The following FNDC3B variants were observed in gnomAD, a reference collection of about 807,000 sequenced individuals.
The protein encoded by FNDC3B is fibronectin type III domain containing 3B, also known as fibronectin type III domain-containing protein 3B.
FNDC3B carries 12 observed loss-of-function variants against 151.5 expected under a neutral mutation model. The ratio of observed to expected loss-of-function variants is 0.08; its 90% CI spans 0.05 to 0.13. The LOEUF (loss-of-function observed/expected upper bound fraction) is 0.13. FNDC3B is among the 10% of genes least tolerant of loss of function. FNDC3B has a pLI of 1.00. For synonymous variants in FNDC3B, 528 were observed against 549.0 expected (o/e 0.96, Z 0.54); for missense variants, 1,214 against 1,505.3 (o/e 0.81, Z 3.20).
At chr3:172,138,270 T>C (rs560921750) in intron 3 of FNDC3B, among the ~76,000 whole-genome samples, 3 of 152,360 alleles carry the variant, frequency 2.0e-5, no homozygotes, top group South Asian at 2.1e-4. Flanking sequence ...GTGAATTCAG[T>C]TGTGACAGGA....
intron 3 of FNDC3B, among the ~76,000 whole-genome samples, chr3:172,150,378 G>T (rs1722157808): frequency 6.6e-6 from 1 of 152,036 alleles, no homozygotes; most frequent in African/African-American, 2.4e-5. Flanking sequence ...ACAGAGAAGT[G>T]GTACCTTTTC....
rs182567084 is a variant in FNDC3B at position 172,124,067 on chromosome 3, T to A, written c.112-9404T>A. ...TCGGGATGAGAGTGCTCCTACTTTT[T>A]ATTGACTACTTCTGCACACTTGGAA... On this transcript the variant is annotated intron_variant, in intron 2 of 25. Transcript: ENST00000415807. Among the ~76,000 whole-genome samples, 406 of 152,294 alleles carry A rather than the reference T, an allele frequency of 2.7e-3. 1 individual carries two copies. The highest frequency in any genetic ancestry group is 0.023 in the South Asian group (111 of 4,828).
rs1715956056 is a variant in FNDC3B, at chr3:172,040,301, A to G, written c.-29+530A>G. On this transcript the variant is annotated intron_variant, in intron 1 of 25. Transcript: ENST00000415807. This position sits in a 1 kb window ranked among gnomAD's most constrained non-coding sequence, Gnocchi z 6.6. The stretch of plus-strand genomic sequence containing the variant: ...GGCGGGAGTGCGAAGTGGGGCTGGA[A>G]GTTGGGGCCGCCTCTCCGCGCCGGC... 6.6e-6 allele frequency among the ~76,000 whole-genome samples: 1 copy of G among 151,434 alleles called. No homozygotes were observed. The highest frequency in any genetic ancestry group is 6.6e-5 in the Admixed American group (1 of 15,242).
intron 9 of FNDC3B, chr3:172,302,596 AGTG>A (rs1279000165): frequency 6.6e-6 from 1 of 152,126 alleles, no homozygotes; most frequent in Non-Finnish European, 1.5e-5. Flanking sequence ...CTAATCTCCT[AGTG>A]GTGATTGAGG....
chr3:172,174,198 T>C (rs555620940), intron 3 of FNDC3B, among the ~76,000 whole-genome samples: 1 of 152,318 alleles, frequency 6.6e-6, no homozygotes, highest in East Asian at 1.9e-4. Context: ...ATCCAAGGCA[T>C]TCAAGCATAT....
intron 3 of FNDC3B, among the ~76,000 whole-genome samples, chr3:172,196,774 G>A (rs1026058762): frequency 7.2e-5 from 11 of 152,236 alleles, no homozygotes; most frequent in Admixed American, 3.3e-4. Context: ...CTCACGTTTC[G>A]CTTTTTCTTG....
intron 9 of FNDC3B, among the ~76,000 whole-genome samples, chr3:172,305,387 G>A (rs1191731364): frequency 1.3e-5 from 2 of 151,940 alleles, no homozygotes; most frequent in East Asian, 1.9e-4. Context: ...TCTCTTTCTT[G>A]CAACTTGTTT....
intron 4 of FNDC3B, among the ~76,000 whole-genome samples, chr3:172,240,802 C>T (rs1410620296): frequency 6.6e-6 from 1 of 152,164 alleles, no homozygotes; most frequent in Non-Finnish European, 1.5e-5. Flanking sequence ...CTGTGCTGCT[C>T]CTGGGAACCC....
chr3:172,067,931 C>T (rs1032179055), intron 1 of FNDC3B, among the ~76,000 whole-genome samples: 5 of 152,164 alleles, frequency 3.3e-5, no homozygotes, highest in Admixed American at 1.3e-4. Flanking sequence ...GAGCAGAGAA[C>T]GTTCAGGCCA....
At chr3:172,342,364 C>A (rs2108308109) in intron 17 of FNDC3B, among the ~76,000 whole-genome samples, 1 of 152,350 alleles carries the variant, frequency 6.6e-6, no homozygotes, top group South Asian at 2.1e-4. Context: ...TGAGGCTGAA[C>A]TGCTCAAATG....
intron 4 of FNDC3B, among the ~76,000 whole-genome samples, chr3:172,233,753 C>A (rs1005561648): frequency 6.6e-6 from 1 of 152,214 alleles, no homozygotes; most frequent in Non-Finnish European, 1.5e-5. Flanking sequence ...AACTGAGATT[C>A]AGACCCATTT....
At chr3:172,050,284 A>G (rs9290439) in intron 1 of FNDC3B, among the ~76,000 whole-genome samples, 106,701 of 152,110 alleles carry the variant, frequency 0.7, 37,846 homozygotes, top group African/African-American at 0.79. Context: ...CATACCATTT[A>G]CTACCACAAA....
At chr3:172,391,779 A>G (rs1268376483) in intron 25 of FNDC3B, among the ~76,000 whole-genome samples, 1 of 152,220 alleles carries the variant, frequency 6.6e-6, no homozygotes, top group African/African-American at 2.4e-5. Flanking sequence ...CCAGATGGCA[A>G]ATGTGAAAGG....
At chr3:172,172,914 A>G (rs1000053609) in intron 3 of FNDC3B, among the ~76,000 whole-genome samples, 1 of 152,054 alleles carries the variant, frequency 6.6e-6, no homozygotes, top group African/African-American at 2.4e-5. Flanking sequence ...GGTGTATTCT[A>G]CTCTGAGGAT....
chr3:172,202,414 G>A (rs1191689491), intron 3 of FNDC3B, among the ~76,000 whole-genome samples: 2 of 151,624 alleles, frequency 1.3e-5, no homozygotes, highest in African/African-American at 2.4e-5. Flanking sequence ...GCTTTTTTTC[G>A]GCCAGTATTT....
chr3:172,124,607 G>A (rs762818386), intron 2 of FNDC3B, among the ~76,000 whole-genome samples: 13 of 152,326 alleles, frequency 8.5e-5, no homozygotes, highest in South Asian at 4.1e-4. Context: ...TCAGAGTTAG[G>A]ACTTTGAAAG....
chr3:172,103,686 A>T (rs1719484869), intron 1 of FNDC3B, among the ~76,000 whole-genome samples: 1 of 152,172 alleles, frequency 6.6e-6, no homozygotes, highest in Non-Finnish European at 1.5e-5. Context: ...TAAAAAACTC[A>T]GTTTCACAGG....
intron 24 of FNDC3B, 40 bp from the exon 25 acceptor site, chr3:172,380,926 C>G (rs574945990): frequency 1.2e-6 from 2 of 1,606,984 alleles, no homozygotes; most frequent in Non-Finnish European, 1.7e-6. Flanking sequence ...TAACATGATA[C>G]TTTGAATTTT....
chr3:172,074,348 A>G (rs1158411851), intron 1 of FNDC3B, among the ~76,000 whole-genome samples: 2 of 152,232 alleles, frequency 1.3e-5, no homozygotes, highest in Non-Finnish European at 2.9e-5. Flanking sequence ...ACAAACATCA[A>G]ATCAGCCTGT....
Sources: allele counts gnomAD v4.1 joint callset (sites outside exome capture counted in the v4.1 genomes callset), GRCh38; gene constraint gnomAD v4.1.1; non-coding constraint Gnocchi (gnomAD v3.1); transcripts MANE v1.5; gene names NCBI Gene and HGNC (gene_info 2026-07-23, HGNC 2026-07-21).